Variants in URB1 observed in about 807,000 individuals in gnomAD.
URB1 encodes URB1 ribosome biogenesis factor.
URB1 carries 197 observed loss-of-function variants against 242.3 expected under a neutral mutation model. The observed-to-expected ratio is 0.81, with a 90% confidence interval of 0.72 to 0.91. URB1 has a LOEUF of 0.91. Among genes scored for constraint, URB1 ranks in the 40% least tolerant of loss-of-function variants. The pLI is 0.00. For synonymous variants in URB1, 1,153 were observed against 1,201.8 expected, an observed-to-expected ratio of 0.96 and a Z score of 0.84; for missense variants, 2,721 against 2,860.5, an observed-to-expected ratio of 0.95 and a Z score of 1.11.
rs777077799 is a variant in URB1, at chr21:32,311,965, C to A, written c.*2953G>T. 1.9e-6 allele frequency: 3 copies of A among 1,613,376 alleles called. No individual in the cohort carries two copies. The highest frequency in any genetic ancestry group is 1.3e-5 in the African/African-American group (1 of 74,948). ...AGGAGCAAGCCCAGCGAGCCTCCCC[C>A]TGGAGACAGGACCTCTCAATTGCAG... On this transcript the variant is annotated 3_prime_UTR_variant, in exon 39 of 39. Transcript: ENST00000382751.
chr21:32,320,726 G>T, intron 34 of URB1, 86 bp from the exon 35 acceptor site: 2 of 979,190 alleles, frequency 2.0e-6, no homozygotes, highest in Non-Finnish European at 3.1e-6. Flanking sequence ...TTAATGGTAT[G>T]GTGCCATTAC....
intron 23 of URB1, 73 bp downstream of exon 23, chr21:32,345,301 G>A: frequency 1.4e-6 from 2 of 1,471,618 alleles, no homozygotes; most frequent in Non-Finnish European, 1.8e-6. Context: ...GTTTTTCAAT[G>A]ACTTACTCTA....
intron 14 of URB1, among the ~76,000 whole-genome samples, chr21:32,358,004 G>T (rs989841269): frequency 1.3e-5 from 2 of 151,484 alleles, no homozygotes; most frequent in African/African-American, 2.5e-5. Flanking sequence ...ACTCCAGCCT[G>T]GGCAACAGAG....
At chr21:32,361,191 G>GAAAGAAAGAAAGAAAGAAAGAAAT in intron 12 of URB1, 68 bp from the exon 13 acceptor site, 1 of 872,022 alleles carries the variant, frequency 1.1e-6, no homozygotes. Context: ...AAGAAAGAAA[G>GAAAGAAAGAAAGAAAGAAAGAAAT]AAAGAAAGAA....
rs1174660612 is a variant in URB1 at position 32,352,845 on chromosome 21, G to T, written c.2478C>A (p.Asp826Glu). ...VLTDLLHTQR[D>E]PLALCLLLQA... ...GGAGCAGGAGACACAGAGCCAGGGG[G>T]TCCCTCTGGGTGTGGAGGAGGTCAG... Residue 826 changes from aspartate (D) to glutamate (E), a missense_variant, in exon 19 of 39, where the codon GAC becomes GAA. Physicochemically the swap from Asp to Glu is conservative, Grantham distance 45. Coordinates refer to ENST00000382751, the MANE Select transcript of URB1 (RefSeq NM_014825.3). The T allele has an allele frequency of 6.4e-7, 1 of 1,551,692 alleles. No homozygotes were observed. Among genetic ancestry groups the T allele is most frequent in the Non-Finnish European group, 8.7e-7 (1 of 1,146,986 alleles).
At chr21:32,323,413 A>C (rs1466169585) in intron 32 of URB1, among the ~76,000 whole-genome samples, 1 of 152,054 alleles carries the variant, frequency 6.6e-6, no homozygotes, top group Non-Finnish European at 1.5e-5. Context: ...ACTTTCTATG[A>C]TTTTTCTCTC....
intron 20 of URB1, among the ~76,000 whole-genome samples, chr21:32,350,003 G>A (rs1382766906): frequency 6.6e-6 from 1 of 152,152 alleles, no homozygotes; most frequent in Non-Finnish European, 1.5e-5. Flanking sequence ...GCTGACGGTT[G>A]CAGTGAGCTG....
chr21:32,315,705 G>C (rs983369313), intron 38 of URB1, among the ~76,000 whole-genome samples: 16 of 152,250 alleles, frequency 1.1e-4, no homozygotes, highest in Non-Finnish European at 1.5e-4. Flanking sequence ...AATTTGAGAA[G>C]AACTTCCCAG....
At chr21:32,341,012 A>G (rs186341038) in intron 25 of URB1, among the ~76,000 whole-genome samples, 2 of 152,356 alleles carry the variant, frequency 1.3e-5, no homozygotes, top group East Asian at 3.9e-4. Context: ...ATTAAAAAAA[A>G]AAGAATGATA....
At chr21:32,352,666 A>G in intron 19 of URB1, 44 bp downstream of exon 19, 1 of 1,547,818 alleles carries the variant, frequency 6.5e-7, no homozygotes, top group Non-Finnish European at 8.7e-7. Context: ...CCCTGGGAAG[A>G]ACCCTGCACA....
intron 14 of URB1, among the ~76,000 whole-genome samples, chr21:32,358,000 G>T (rs1393857847): frequency 1.3e-4 from 19 of 151,718 alleles, no homozygotes; most frequent in African/African-American, 4.4e-4. Flanking sequence ...CTGCACTCCA[G>T]CCTGGGCAAC....
chr21:32,347,737 C>G lies in URB1; in HGVS notation c.3087G>C (p.Gln1029His), dbSNP rs1260330491. ...GGCTGAGCGTGTGCGGCGGGAGGGC[C>G]TGCTGCTCCAGGGCCAGGAACCAGC... Reference protein sequence around the residue: ...LEGWFLALEQQALPPHTLSPV... With the variant: ...LEGWFLALEQHALPPHTLSPV... The change falls in exon 22 of 39, where the codon CAG becomes CAC. Residue 1029 changes from glutamine to histidine, a missense_variant. Physicochemically the swap from Gln to His is conservative, Grantham distance 24 (BLOSUM62 0). Coordinates refer to ENST00000382751, the MANE Select transcript of URB1 (RefSeq NM_014825.3). The G allele has an allele frequency of 6.5e-7, 1 of 1,550,122 alleles. No individual in the cohort carries two copies. The highest frequency in any genetic ancestry group is 1.2e-5 in the South Asian group (1 of 84,062).
At chr21:32,343,917 A>C (rs2033057275) in intron 24 of URB1, among the ~76,000 whole-genome samples, 1 of 152,230 alleles carries the variant, frequency 6.6e-6, no homozygotes, top group Non-Finnish European at 1.5e-5. Flanking sequence ...CAGAGAAAGA[A>C]GACACAACAC....
At chr21:32,360,921 A>C in intron 13 of URB1, 86 bp downstream of exon 13, 1 of 932,106 alleles carries the variant, frequency 1.1e-6, no homozygotes, top group Non-Finnish European at 1.6e-6. Flanking sequence ...ACCGTCCACC[A>C]GCCTTCCTGA....
At chr21:32,366,174 G>A (rs2033344089) in intron 10 of URB1, among the ~76,000 whole-genome samples, 1 of 152,166 alleles carries the variant, frequency 6.6e-6, no homozygotes, top group Non-Finnish European at 1.5e-5. Flanking sequence ...ATGTTTGCCA[G>A]GCATCTTAAC....
intron 28 of URB1, chr21:32,335,747 C>T (rs1001791581): frequency 7.2e-5 from 11 of 152,578 alleles, no homozygotes; most frequent in South Asian, 2.1e-4. Context: ...CGCCACGTAG[C>T]GTCCAGGATC....
chr21:32,383,530 C>T lies in URB1; in HGVS notation c.459G>A (p.Leu153=), dbSNP rs376785923. The part of the protein sequence containing the change: ...GYRLARACLS[L]MTAMVTQGPE... ...GACCCTGGGTCACCATGGCGGTCAT[C>T]AGGCTCAGGCAGGCGCGAGCCAACC... The change falls in exon 4 of 39, where the codon CTG becomes CTA. Residue 153 remains leucine (L), a synonymous_variant. Coordinates refer to ENST00000382751, the MANE Select transcript of URB1 (RefSeq NM_014825.3). The T allele has an allele frequency of 3.5e-5, 55 of 1,551,544 alleles. No individual in the cohort carries two copies. Among genetic ancestry groups the T allele is most frequent in the South Asian group, 3.0e-4 (25 of 84,030 alleles).
Position 32,311,928 on chromosome 21 carries a change from G to C in URB1, c.*2990C>G. The C allele has an allele frequency of 1.2e-6, 2 of 1,613,720 alleles. No individual in the cohort carries two copies. The highest frequency in any genetic ancestry group is 1.7e-6 in the Non-Finnish European group (2 of 1,180,050). ...CCTCTGGGAACTGACCCTCAATGGGGGTCCCCTCGTCAGGAGCAAGCCCAG... is the reference window on the plus strand; with the variant it reads ...CCTCTGGGAACTGACCCTCAATGGGCGTCCCCTCGTCAGGAGCAAGCCCAG... On this transcript the variant is annotated 3_prime_UTR_variant, in exon 39 of 39. Transcript: ENST00000382751.
chr21:32,334,224 C>G lies in URB1; in HGVS notation c.4796G>C (p.Arg1599Pro), dbSNP rs749271715. 4.5e-6 allele frequency: 7 copies of G among 1,551,516 alleles called. 1 individual carries two copies. The South Asian group carries it at 4.8e-5, about 11-fold the overall frequency. The change falls in exon 29 of 39, where the codon CGG (arginine) becomes CCG (proline). Residue 1599 changes from arginine to proline, a missense_variant. Arg to Pro is a moderately radical substitution (Grantham distance 103). Transcript: ENST00000382751. ...CAGGATGGTCTGCATCATCCGGTCC[C>G]GGTCCAGCAGGCGAAGGATGTCCCC... ...SVGDILRLLD[R>P]DRMMQTILHF...
Sources: gnomAD v4.1 joint callset for allele counts (sites outside exome capture counted in the v4.1 genomes callset) on GRCh38, gnomAD v4.1.1 for gene constraint, MANE v1.5 for transcripts, NCBI Gene and HGNC (gene_info 2026-07-23, HGNC 2026-07-21) for gene names.